FHIP1A: variants seen among roughly 807,000 people sequenced by gnomAD.
FHIP1A encodes the protein FHF complex subunit HOOK interacting protein 1A.
Under a neutral mutation model 88.6 loss-of-function variants are expected in FHIP1A, and 61 were observed. That is an observed-to-expected ratio of 0.69 (90% CI 0.56 to 0.85). FHIP1A has a LOEUF of 0.85. Among genes scored for constraint, FHIP1A ranks in the 40% least tolerant of loss-of-function variants. The probability of loss-of-function intolerance (pLI) is 0.00; values close to 1 mark genes in which losing one functional copy is unlikely to be tolerated. For synonymous variants in FHIP1A, 478 were observed against 496.0 expected (o/e 0.96, Z 0.48); for missense variants, 1,154 against 1,273.5 (o/e 0.91, Z 1.43).
At chr4:151,571,856 T>C (rs536852416) in intron 4 of FHIP1A, among the ~76,000 whole-genome samples, 7 of 152,352 alleles carry the variant, frequency 4.6e-5, no homozygotes, top group African/African-American at 1.7e-4. Context: ...TGAACCAAAG[T>C]TATACTTCTT....
At chr4:151,603,376 C>T (rs1400332177) in intron 7 of FHIP1A, among the ~76,000 whole-genome samples, 11 of 151,972 alleles carry the variant, frequency 7.2e-5, no homozygotes, top group Admixed American at 7.2e-4. Context: ...CTTCTGACTC[C>T]CTGGACCCGG....
chr4:151,577,304 C>G (rs2126789779), intron 4 of FHIP1A, 146 bp from the exon 5 acceptor site: 20 of 313,148 alleles, frequency 6.4e-5, no homozygotes, highest in African/African-American at 3.3e-4. Flanking sequence ...GAGAGGGAGA[C>G]ACACACACAC....
chr4:151,482,960 A>G (rs1461856445), intron 3 of FHIP1A, among the ~76,000 whole-genome samples: 1 of 152,132 alleles, frequency 6.6e-6, no homozygotes, highest in African/African-American at 2.4e-5. Context: ...TTGGGTGATG[A>G]TCATACCTGG....
intron 13 of FHIP1A, among the ~76,000 whole-genome samples, chr4:151,659,283 C>G (rs1737364817): frequency 1.3e-5 from 2 of 152,170 alleles, no homozygotes; most frequent in Admixed American, 6.5e-5. Context: ...ACTCTTCCCC[C>G]ACTTAAAGCA....
chr4:151,578,783 A>C (rs1472866004), intron 5 of FHIP1A, among the ~76,000 whole-genome samples: 1 of 152,242 alleles, frequency 6.6e-6, no homozygotes, highest in Non-Finnish European at 1.5e-5. Flanking sequence ...TGTCCACCCA[A>C]AAACCTGCAC....
chr4:151,457,655 A>T (rs1580589114), intron 2 of FHIP1A, among the ~76,000 whole-genome samples: 3 of 152,074 alleles, frequency 2.0e-5, no homozygotes, highest in Non-Finnish European at 4.4e-5. Context: ...CTGTGTTTTT[A>T]AAAAAGGTGT....
chr4:151,646,243 A>G (rs1030453859), intron 9 of FHIP1A, among the ~76,000 whole-genome samples: 27 of 152,212 alleles, frequency 1.8e-4, no homozygotes, highest in African/African-American at 6.3e-4. Context: ...CAGGCAGAGA[A>G]AAGGGGAAAG....
At chr4:151,595,295 T>C (rs1734604611) in intron 7 of FHIP1A, among the ~76,000 whole-genome samples, 1 of 152,244 alleles carries the variant, frequency 6.6e-6, no homozygotes, top group Admixed American at 6.5e-5. Flanking sequence ...CCAGTAGTTA[T>C]TCAGGAGCAG....
intron 3 of FHIP1A, among the ~76,000 whole-genome samples, chr4:151,492,199 A>ACATT (rs2126648815): frequency 6.6e-6 from 1 of 152,314 alleles, no homozygotes; most frequent in South Asian, 2.1e-4. Context: ...TGCAGAATAT[A>ACATT]CATTCTTTTC....
intron 8 of FHIP1A, among the ~76,000 whole-genome samples, chr4:151,631,988 C>A (rs1165543765): frequency 6.6e-6 from 1 of 151,984 alleles, no homozygotes; most frequent in East Asian, 1.9e-4. Context: ...ACACTCCAGT[C>A]AAAAGATATA....
At chr4:151,581,832 C>CTGTT (rs1734036766) in intron 5 of FHIP1A, among the ~76,000 whole-genome samples, 1 of 152,200 alleles carries the variant, frequency 6.6e-6, no homozygotes, top group African/African-American at 2.4e-5. Context: ...ACAGTAATGA[C>CTGTT]TCTTTCAGGA....
intron 1 of FHIP1A, among the ~76,000 whole-genome samples, chr4:151,436,032 A>G (rs1728179195): frequency 6.6e-6 from 1 of 152,100 alleles, no homozygotes; most frequent in Non-Finnish European, 1.5e-5. Flanking sequence ...TGACACATTG[A>G]TGTTTACTTA....
intron 2 of FHIP1A, among the ~76,000 whole-genome samples, chr4:151,473,531 T>A (rs1034908921): frequency 6.6e-6 from 1 of 152,194 alleles, no homozygotes; most frequent in African/African-American, 2.4e-5. Flanking sequence ...TTTATTAAAA[T>A]CTTGCAACAT....
intron 3 of FHIP1A, among the ~76,000 whole-genome samples, chr4:151,542,181 G>A (rs1732320117): frequency 1.3e-5 from 2 of 152,146 alleles, no homozygotes; most frequent in Non-Finnish European, 1.5e-5. Flanking sequence ...CGAGAACCCA[G>A]TTTTTTCTAC....
chr4:151,587,026 A>G (rs1442524565), intron 6 of FHIP1A, among the ~76,000 whole-genome samples: 1 of 152,192 alleles, frequency 6.6e-6, no homozygotes, highest in Non-Finnish European at 1.5e-5. Context: ...TATCTTCTTT[A>G]TAAATTAATT....
intron 9 of FHIP1A, among the ~76,000 whole-genome samples, chr4:151,645,019 C>T (rs964625916): frequency 6.6e-6 from 1 of 152,178 alleles, no homozygotes; most frequent in Non-Finnish European, 1.5e-5. Flanking sequence ...ATTCATTTTT[C>T]CTCATTGCTA....
chr4:151,474,305 A>G (rs1371172396), intron 2 of FHIP1A, among the ~76,000 whole-genome samples: 1 of 152,212 alleles, frequency 6.6e-6, no homozygotes, highest in Non-Finnish European at 1.5e-5. Flanking sequence ...ATGCCTCACT[A>G]CCTTAATCTT....
At chr4:151,577,312 C>T in intron 4 of FHIP1A, 138 bp from the exon 5 acceptor site, 2 of 708,416 alleles carry the variant, frequency 2.8e-6, no homozygotes, top group Non-Finnish European at 4.7e-6. Context: ...GACACACACA[C>T]ACACACACAA....
chr4:151,463,460 G>A (rs906749720), intron 2 of FHIP1A, among the ~76,000 whole-genome samples: 4 of 152,178 alleles, frequency 2.6e-5, no homozygotes, highest in Admixed American at 6.5e-5. Context: ...GACAATTTTG[G>A]CATTCCAGGA....
Sources: gnomAD v4.1 joint callset for allele counts (sites outside exome capture counted in the v4.1 genomes callset) on GRCh38, gnomAD v4.1.1 for gene constraint, MANE v1.5 for transcripts, NCBI Gene and HGNC (gene_info 2026-07-23, HGNC 2026-07-21) for gene names.